Variants in KCTD16 observed in about 807,000 individuals in gnomAD.
KCTD16 encodes the protein potassium channel tetramerization domain containing 16.
A neutral mutation model predicts 33.2 loss-of-function variants in KCTD16; 13 were observed. The observed-to-expected ratio is 0.39, with a 90% CI of 0.25 to 0.62. The LOEUF is 0.62. Among genes scored for constraint, KCTD16 ranks in the 20% least tolerant of loss-of-function variants. The probability of loss-of-function intolerance (pLI) is 0.50; values close to 1 mark genes in which losing one functional copy is unlikely to be tolerated. For missense variants in KCTD16, 441 were observed against 525.1 expected, an observed-to-expected ratio of 0.84 and a Z score of 1.57; for synonymous variants, 197 against 195.3, an observed-to-expected ratio of 1.01 and a Z score of -0.07.
chr5:144,246,814 T>G (rs1295578496), intron 3 of KCTD16, among the ~76,000 whole-genome samples: 1 of 152,056 alleles, frequency 6.6e-6, no homozygotes, highest in Admixed American at 6.5e-5. Flanking sequence ...CTCTGATTTC[T>G]GTGTCATTCC....
chr5:144,245,288 A>G (rs966440404), intron 3 of KCTD16, among the ~76,000 whole-genome samples: 6 of 152,190 alleles, frequency 3.9e-5, no homozygotes, highest in African/African-American at 1.4e-4. Context: ...ACTTTGAAAG[A>G]GAAGACTATT....
chr5:144,369,213 C>T (rs75002030), intron 3 of KCTD16: 4,051 of 152,280 alleles, frequency 0.027, 84 homozygotes, highest in African/African-American at 0.044. Context: ...CCTTGGCAAC[C>T]TGAGCTCTGT....
intron 3 of KCTD16, among the ~76,000 whole-genome samples, chr5:144,425,992 A>G (rs1753320713): frequency 6.6e-6 from 1 of 152,114 alleles, no homozygotes; most frequent in Non-Finnish European, 1.5e-5. Flanking sequence ...TTCACTCTTT[A>G]CATGGCGAGA....
At chr5:144,207,901 G>T (rs1345600873) in intron 3 of KCTD16, among the ~76,000 whole-genome samples, 1 of 152,222 alleles carries the variant, frequency 6.6e-6, no homozygotes, top group Non-Finnish European at 1.5e-5. Context: ...ACAGGAGCTT[G>T]GTATACTCAG....
At chr5:144,376,573 G>A (rs545162048) in intron 3 of KCTD16, among the ~76,000 whole-genome samples, 1 of 152,120 alleles carries the variant, frequency 6.6e-6, no homozygotes, top group South Asian at 2.1e-4. Context: ...TAAGGGAAAG[G>A]ACGGGGTGAG....
At chr5:144,465,528 G>T (rs780899514) in intron 3 of KCTD16, among the ~76,000 whole-genome samples, 1 of 151,836 alleles carries the variant, frequency 6.6e-6, no homozygotes, top group South Asian at 2.1e-4. Flanking sequence ...GTCTCTTCTG[G>T]GTCTCACACG....
chr5:144,434,739 C>T (rs1368646322), intron 3 of KCTD16, among the ~76,000 whole-genome samples: 1 of 152,138 alleles, frequency 6.6e-6, no homozygotes, highest in African/African-American at 2.4e-5. Context: ...TGTCATAATA[C>T]AGCTGGATCA....
intron 3 of KCTD16, among the ~76,000 whole-genome samples, chr5:144,268,310 C>T (rs149210064): frequency 6.6e-6 from 1 of 152,254 alleles, no homozygotes. Context: ...ATTTGCTACA[C>T]ATCGCGCTAT....
Position 144,176,348 on chromosome 5 carries a change from GA to G in KCTD16, c.-327+1879del, listed in dbSNP as rs376912567. ...GAAAAAGGCAGTGTCCCAGGCAAATGAAATAATAGCCATAACAATTTTTAAA... is the reference window on the plus strand; with the variant it reads ...GAAAAAGGCAGTGTCCCAGGCAAATGAATAATAGCCATAACAATTTTTAAA... On this transcript the variant is annotated intron_variant, in intron 2 of 3. Transcript: ENST00000512467. Among the ~76,000 whole-genome samples, 720 of 146,772 alleles carry G rather than the reference GA, an allele frequency of 4.9e-3. 6 individuals are homozygous for G. Among genetic ancestry groups the G allele is most frequent in the African/African-American group, 0.017 (673 of 40,518 alleles).
intron 3 of KCTD16, among the ~76,000 whole-genome samples, chr5:144,351,986 A>G (rs1470714115): frequency 1.3e-5 from 2 of 152,210 alleles, no homozygotes; most frequent in Non-Finnish European, 2.9e-5. Flanking sequence ...TCTGTTAATC[A>G]CAACATATTG....
At chr5:144,188,589 C>T (rs1429331741) in intron 2 of KCTD16, among the ~76,000 whole-genome samples, 1 of 152,154 alleles carries the variant, frequency 6.6e-6, no homozygotes, top group Admixed American at 6.5e-5. Context: ...CTCCACTATC[C>T]TCAAAACTTT....
At chr5:144,405,912 T>C (rs1376966392) in intron 3 of KCTD16, among the ~76,000 whole-genome samples, 3 of 152,184 alleles carry the variant, frequency 2.0e-5, no homozygotes, top group African/African-American at 2.4e-5. Flanking sequence ...CTAAGCCCCA[T>C]TGGAAATCCT....
At chr5:144,417,787 G>A (rs1304262647) in intron 3 of KCTD16, among the ~76,000 whole-genome samples, 1 of 152,000 alleles carries the variant, frequency 6.6e-6, no homozygotes, top group Non-Finnish European at 1.5e-5. Flanking sequence ...TTGTAAAGTA[G>A]GGCTCCAACT....
Position 144,479,993 on chromosome 5 carries a change from T to C in KCTD16, c.*5879T>C, listed in dbSNP as rs1244475890. On this transcript the variant is annotated 3_prime_UTR_variant, in exon 4 of 4. Transcript: ENST00000512467. ...CTCCTCCATCTTATCAGTTTATTTT[T>C]AGAATTGACCTTTAGATAATTTACC... 2 of 152,010 alleles carry C rather than the reference T, an allele frequency of 1.3e-5. No individual in the cohort carries two copies. The highest frequency in any genetic ancestry group is 1.9e-4 in the East Asian group (1 of 5,172). 9.4% of individuals were successfully genotyped at this position (152,010 alleles called of 1,614,324 possible).
chr5:144,433,713 T>C (rs1026358326), intron 3 of KCTD16, among the ~76,000 whole-genome samples: 3 of 152,198 alleles, frequency 2.0e-5, no homozygotes, highest in Non-Finnish European at 4.4e-5. Context: ...AGCTTTATTA[T>C]ATCCCCTTGT....
At chr5:144,194,503 G>A (rs1009507843) in intron 2 of KCTD16, among the ~76,000 whole-genome samples, 1 of 152,230 alleles carries the variant, frequency 6.6e-6, no homozygotes, top group African/African-American at 2.4e-5. Flanking sequence ...CTGAGCTCTT[G>A]TGGAGCTAAT....
intron 3 of KCTD16, among the ~76,000 whole-genome samples, chr5:144,226,503 T>C (rs1170026563): frequency 3.3e-5 from 5 of 152,260 alleles, no homozygotes; most frequent in Non-Finnish European, 5.9e-5. Flanking sequence ...AAATTGATCT[T>C]ATTGTTTCTT....
At chr5:144,330,411 CAA>C (rs10577099) in intron 3 of KCTD16, among the ~76,000 whole-genome samples, 1,883 of 87,324 alleles carry the variant, frequency 0.022, 28 homozygotes, top group African/African-American at 0.082. Flanking sequence ...GAAACTCCAT[CAA>C]AAAAAAAAAA....
At chr5:144,344,682 A>G (rs1289362921) in intron 3 of KCTD16, among the ~76,000 whole-genome samples, 12 of 150,174 alleles carry the variant, frequency 8.0e-5, no homozygotes, top group African/African-American at 2.4e-4. Flanking sequence ...TTAGAATGGC[A>G]ATCATTAAAA....
Sources: gnomAD v4.1 joint callset for allele counts (sites outside exome capture counted in the v4.1 genomes callset) on GRCh38, gnomAD v4.1.1 for gene constraint, MANE v1.5 for transcripts, NCBI Gene and HGNC (gene_info 2026-07-23, HGNC 2026-07-21) for gene names.